KCNH7: variants seen among roughly 807,000 people sequenced by gnomAD.
The protein encoded by KCNH7 is potassium voltage-gated channel subfamily H member 7, also known as voltage-gated inwardly rectifying potassium channel KCNH7.
A neutral mutation model predicts 120.8 loss-of-function variants in KCNH7; 49 were observed. That is an observed-to-expected ratio of 0.41 (90% confidence interval 0.32 to 0.51). The LOEUF (loss-of-function observed/expected upper bound fraction) is 0.51. Ranked by LOEUF, KCNH7 falls within the 20% of genes least tolerant of loss-of-function variation. The pLI is 0.38. For synonymous variants in KCNH7, 547 were observed against 516.1 expected (o/e 1.06, Z -0.81); for missense variants, 1,097 against 1,446.6 (o/e 0.76, Z 3.92).
intron 6 of KCNH7, among the ~76,000 whole-genome samples, chr2:162,459,102 T>C (rs1689068786): frequency 6.6e-6 from 1 of 150,884 alleles, no homozygotes. Flanking sequence ...ATTTTAAACT[T>C]GCAGAAGCAA....
At position 162,745,814 on chromosome 2, in the gene KCNH7, AT is replaced by A. The variant is rs1051215799; in HGVS notation, c.307+90722del. Among the ~76,000 whole-genome samples the A allele has an allele frequency of 5.9e-5, 9 of 152,044 alleles. 1 individual carries two copies. The highest frequency in any genetic ancestry group is 4.1e-4 in the South Asian group (2 of 4,826). ...ATCTCTACAATTCTATATGTCTTAG[AT>A]TTTTTTCCTTTAAAAAAAATCTTTC... On this transcript the variant is annotated intron_variant, in intron 2 of 15. Transcript: ENST00000332142.
intron 2 of KCNH7, among the ~76,000 whole-genome samples, chr2:162,727,979 G>A (rs1218628475): frequency 1.3e-5 from 2 of 152,076 alleles, no homozygotes; most frequent in African/African-American, 4.8e-5. Context: ...TATTGAATGT[G>A]CATATATATA....
intron 9 of KCNH7, among the ~76,000 whole-genome samples, chr2:162,402,579 T>C (rs575693016): frequency 6.7e-4 from 101 of 151,596 alleles, no homozygotes; most frequent in Non-Finnish European, 1.1e-3. Flanking sequence ...TATAAAGCAT[T>C]ACACCAAGTA....
intron 2 of KCNH7, among the ~76,000 whole-genome samples, chr2:162,582,265 A>C (rs1201533114): frequency 6.6e-6 from 1 of 152,086 alleles, no homozygotes; most frequent in Non-Finnish European, 1.5e-5. Flanking sequence ...ACAACCGGCT[A>C]TTCTTTCTTA....
chr2:162,834,767 G>T (rs573276490), intron 2 of KCNH7, among the ~76,000 whole-genome samples: 7 of 152,172 alleles, frequency 4.6e-5, no homozygotes, highest in African/African-American at 1.7e-4. Context: ...CACGCCACTT[G>T]CGGTGTAATA....
At chr2:162,645,813 T>G (rs903407190) in intron 2 of KCNH7, among the ~76,000 whole-genome samples, 1 of 152,308 alleles carries the variant, frequency 6.6e-6, no homozygotes, top group East Asian at 1.9e-4. Context: ...CACTGAGAGT[T>G]TCTGGTAACA....
chr2:162,598,127 T>C (rs1252703445), intron 2 of KCNH7, among the ~76,000 whole-genome samples: 1 of 152,076 alleles, frequency 6.6e-6, no homozygotes, highest in Non-Finnish European at 1.5e-5. Context: ...ATTTCTCTCA[T>C]TTTAAAGGAG....
At chr2:162,572,790 C>T (rs113449532) in intron 2 of KCNH7, among the ~76,000 whole-genome samples, 10 of 145,384 alleles carry the variant, frequency 6.9e-5, no homozygotes, top group African/African-American at 2.6e-4. Context: ...AGTAAACTAC[C>T]ACAAGAACAA....
intron 2 of KCNH7, among the ~76,000 whole-genome samples, chr2:162,800,505 T>C (rs933465369): frequency 1.1e-4 from 16 of 151,728 alleles, no homozygotes; most frequent in Non-Finnish European, 2.2e-4. Flanking sequence ...AACAGTAACG[T>C]CACAATACCT....
At chr2:162,741,441 CATT>C (rs1227264584) in intron 2 of KCNH7, among the ~76,000 whole-genome samples, 2 of 151,510 alleles carry the variant, frequency 1.3e-5, no homozygotes, top group East Asian at 3.9e-4. Context: ...GTATATTTTA[CATT>C]ATTATACTAT....
intron 2 of KCNH7, among the ~76,000 whole-genome samples, chr2:162,762,716 T>C (rs1170224513): frequency 6.6e-6 from 1 of 152,094 alleles, no homozygotes; most frequent in Non-Finnish European, 1.5e-5. Flanking sequence ...TGTCAGTATA[T>C]GCCTCATATT....
At chr2:162,674,538 G>A (rs997609028) in intron 2 of KCNH7, among the ~76,000 whole-genome samples, 1 of 151,522 alleles carries the variant, frequency 6.6e-6, no homozygotes, top group Non-Finnish European at 1.5e-5. Flanking sequence ...TGAATGACTT[G>A]AACACTGATT....
chr2:162,524,279 C>T (rs151325392), intron 3 of KCNH7, among the ~76,000 whole-genome samples: 329 of 152,140 alleles, frequency 2.2e-3, no homozygotes, highest in African/African-American at 7.5e-3. Context: ...GCCAGGGTAC[C>T]TGGCCTTTGC....
At chr2:162,829,924 A>G (rs1685416286) in intron 2 of KCNH7, among the ~76,000 whole-genome samples, 1 of 150,318 alleles carries the variant, frequency 6.7e-6, no homozygotes, top group Admixed American at 6.7e-5. Flanking sequence ...CTAACAGTGC[A>G]CTCACTTCGT....
chr2:162,705,738 A>G (rs1351952362), intron 2 of KCNH7, among the ~76,000 whole-genome samples: 1 of 152,102 alleles, frequency 6.6e-6, no homozygotes, highest in East Asian at 1.9e-4. Context: ...GCCTTTACCC[A>G]TCTAAATCCT....
chr2:162,800,425 T>C lies in KCNH7; in HGVS notation c.307+36112A>G, dbSNP rs909647591. Among the ~76,000 whole-genome samples the C allele has an allele frequency of 4.0e-5, 6 of 151,768 alleles. No homozygotes were observed. The South Asian group carries it at 8.3e-4, about 21-fold the overall frequency. On this transcript the variant is annotated intron_variant, in intron 2 of 15. Transcript: ENST00000332142. ...AGTATTTTTACATTTTTATTGAGTA[T>C]ACTATTATCACCTATGGTAATTTTT... is the stretch of plus-strand genomic sequence containing the variant.
At chr2:162,584,292 T>C (rs779266931) in intron 2 of KCNH7, among the ~76,000 whole-genome samples, 4 of 152,166 alleles carry the variant, frequency 2.6e-5, no homozygotes, top group Non-Finnish European at 2.9e-5. Flanking sequence ...ACATCATCTA[T>C]ATCTTATGTC....
At chr2:162,752,968 GAAAAGAAAAGAAAAGA>G (rs1688639255) in intron 2 of KCNH7, among the ~76,000 whole-genome samples, 1 of 110,902 alleles carries the variant, frequency 9.0e-6, no homozygotes, top group African/African-American at 6.2e-5. Flanking sequence ...GAAAAGAAAA[GAAAAGAAAAGAAAAGA>G]AAAGAAAAGA....
At chr2:162,746,833 C>G (rs1037790676) in intron 2 of KCNH7, among the ~76,000 whole-genome samples, 1 of 151,954 alleles carries the variant, frequency 6.6e-6, no homozygotes, top group Non-Finnish European at 1.5e-5. Context: ...CTTGAGTTGT[C>G]CATGAAGCCT....
Sources: gnomAD v4.1 joint callset for allele counts (sites outside exome capture counted in the v4.1 genomes callset) on GRCh38, gnomAD v4.1.1 for gene constraint, MANE v1.5 for transcripts, NCBI Gene and HGNC (gene_info 2026-07-23, HGNC 2026-07-21) for gene names.